RSPH14: variants seen among roughly 807,000 people sequenced by gnomAD.
RSPH14 encodes the protein radial spoke head 14 homolog.
Under a neutral mutation model 26.7 loss-of-function variants are expected in RSPH14, and 20 were observed. That is an observed-to-expected ratio of 0.75 (90% confidence interval 0.53 to 1.09). The LOEUF (loss-of-function observed/expected upper bound fraction) is 1.09, where lower values mean the gene tolerates loss of function less well. Among genes scored for constraint, RSPH14 ranks in the 50% least tolerant of loss-of-function variants. The probability of loss-of-function intolerance (pLI) is 0.00; values close to 1 mark genes in which losing one functional copy is unlikely to be tolerated. For synonymous variants in RSPH14, 177 were observed against 189.3 expected (o/e 0.93, Z 0.53); for missense variants, 449 against 457.2 (o/e 0.98, Z 0.16).
chr22:23,155,986 G>C, the RSPH14 span: 1 of 1,612,612 alleles, frequency 6.2e-7, no homozygotes, highest in East Asian at 2.2e-5. Context: ...CAGCTGGGCA[G>C]GAGAAGTTCA....
chr22:23,155,125 CA>C, the RSPH14 span, among the ~76,000 whole-genome samples: 6 of 150,206 alleles, frequency 4.0e-5, no homozygotes, highest in Admixed American at 1.3e-4. Context: ...AACTCCACCT[CA>C]AAAAAAAAGA....
At chr22:23,088,263 G>A (rs999601359) in intron 4 of RSPH14, among the ~76,000 whole-genome samples, 9 of 152,204 alleles carry the variant, frequency 5.9e-5, no homozygotes, top group African/African-American at 1.4e-4. Context: ...ACCCCAGTGC[G>A]TTTCCTCCTG....
In RSPH14 at chr22:23,071,080, G is replaced by A. The variant is rs996814709; in HGVS notation, c.422-6947C>T. Among the ~76,000 whole-genome samples the A allele has an allele frequency of 1.3e-5, 2 of 152,264 alleles. No individual in the cohort carries two copies. The highest frequency in any genetic ancestry group is 2.9e-5 in the Non-Finnish European group (2 of 68,038). On this transcript the variant is annotated intron_variant, in intron 4 of 6. Coordinates refer to ENST00000216036, the MANE Select transcript of RSPH14 (RefSeq NM_014433.3). The surrounding 1 kb of genome is among the most constrained non-coding windows in gnomAD (Gnocchi z 4.1). ...GAGGACCTGGGCCCGCAGACGGACA[G>A]CTAGCAGTTCTCGGTCACTGCTCTT...
intron 6 of RSPH14, 116 bp downstream of exon 6, chr22:23,061,693 T>TC: frequency 4.4e-6 from 6 of 1,354,308 alleles, no homozygotes; most frequent in Non-Finnish European, 5.9e-6. Flanking sequence ...AGGTTTTTTT[T>TC]TTTTTTGCAA....
chr22:23,158,647 G>A, the RSPH14 span, among the ~76,000 whole-genome samples: 5 of 152,354 alleles, frequency 3.3e-5, no homozygotes, highest in African/African-American at 7.2e-5. Flanking sequence ...CACCGGGAGA[G>A]GCCAGAGGTG....
the RSPH14 span, chr22:23,160,751 A>G: frequency 7.7e-7 from 1 of 1,297,332 alleles, no homozygotes; most frequent in Non-Finnish European, 1.1e-6. Context: ...GGTCATTGTT[A>G]CTGTCAGGGT....
At chr22:23,130,155 GA>G (rs1054478314) in intron 4 of RSPH14, among the ~76,000 whole-genome samples, 2 of 121,512 alleles carry the variant, frequency 1.6e-5, no homozygotes, top group Admixed American at 8.5e-5. Flanking sequence ...AAGAAAGAAA[GA>G]AAGAAAAAGA....
chr22:23,125,899 G>A (rs1255648466), intron 4 of RSPH14, among the ~76,000 whole-genome samples: 3 of 151,928 alleles, frequency 2.0e-5, no homozygotes, highest in Admixed American at 6.5e-5. Flanking sequence ...AAAGTGGGGG[G>A]TCGGCAGGCA....
At chr22:23,179,762 G>T in the RSPH14 span, 29 of 190,202 alleles carry the variant, frequency 1.5e-4, no homozygotes, top group African/African-American at 6.6e-4. Context: ...CTGAAACAAG[G>T]GTGCTGGCAT....
upstream of RSPH14, chr22:23,145,115 A>T: frequency 1.8e-6 from 1 of 565,272 alleles, no homozygotes; most frequent in Non-Finnish European, 3.2e-6. Context: ...AAACATCAAT[A>T]CCACATCAGG....
intron 4 of RSPH14, among the ~76,000 whole-genome samples, chr22:23,126,007 C>G (rs2070174514): frequency 6.6e-6 from 1 of 152,246 alleles, no homozygotes; most frequent in Admixed American, 6.5e-5. Context: ...TAAGCCCACG[C>G]AGGGACTCCC....
chr22:23,059,416 A>G lies in RSPH14; in HGVS notation c.*46T>C, dbSNP rs757844821. ...AGAAAGTGCCATTCGGACCCGAGATAAAGAGACTTAGCACATTTATTCACT... is the reference window on the plus strand; with the variant it reads ...AGAAAGTGCCATTCGGACCCGAGATGAAGAGACTTAGCACATTTATTCACT... On this transcript the variant is annotated 3_prime_UTR_variant, in exon 7 of 7. Transcript: ENST00000216036. 6.6e-7 allele frequency: 1 copy of G among 1,524,384 alleles called. No individual in the cohort carries two copies. The highest frequency in any genetic ancestry group is 2.1e-5 in the Admixed American group (1 of 48,338). 94.4% of individuals were successfully genotyped at this position (1,524,384 alleles called of 1,614,324 possible).
At chr22:23,123,048 C>T (rs1208207491) in intron 4 of RSPH14, 1 of 1,372,350 alleles carries the variant, frequency 7.3e-7, no homozygotes, top group South Asian at 1.2e-5. Context: ...TCTCTGCCTG[C>T]TGCGGGCCTG....
At chr22:23,152,377 G>A in the RSPH14 span, 37 of 1,408,090 alleles carry the variant, frequency 2.6e-5, no homozygotes, top group Admixed American at 1.0e-4. Context: ...CACCAGCAGA[G>A]AGCTCAGGGA....
chr22:23,063,915 G>T lies in RSPH14; in HGVS notation c.640C>A (p.Leu214Ile), dbSNP rs558599056. Residue 214 changes from leucine to isoleucine, a missense_variant, in exon 5 of 7, where the codon CTC becomes ATC. Physicochemically the swap from Leu to Ile is conservative, Grantham distance 5 (BLOSUM62 2). Transcript: ENST00000216036. ...QNIRSKAARA[L>I]LNVSISREGK... ...GCCAGGCCTCACCTGACATTAAGGA[G>T]CGCACGGGCGGCCTTGCTGCGGATG... 3 of 1,614,162 alleles carry T rather than the reference G, an allele frequency of 1.9e-6. No individual in the cohort carries two copies. Among genetic ancestry groups the T allele is most frequent in the African/African-American group, 2.7e-5 (2 of 75,044 alleles).
chr22:23,145,183 G>A, upstream of RSPH14: 1 of 615,806 alleles, frequency 1.6e-6, no homozygotes, highest in East Asian at 2.8e-5. Flanking sequence ...CAGAACCTGC[G>A]CGAATCTCTC....
chr22:23,097,432 G>C (rs2069158395), intron 4 of RSPH14, among the ~76,000 whole-genome samples: 1 of 152,240 alleles, frequency 6.6e-6, no homozygotes, highest in African/African-American at 2.4e-5. Context: ...CTAGGAGCCT[G>C]AGTGTTCTGA....
chr22:23,155,699 T>A, the RSPH14 span, among the ~76,000 whole-genome samples: 1 of 152,226 alleles, frequency 6.6e-6, no homozygotes, highest in African/African-American at 2.4e-5. Flanking sequence ...GGGAGTGAGC[T>A]GCAACTCCAT....
chr22:23,108,349 G>A (rs560228958), intron 4 of RSPH14, among the ~76,000 whole-genome samples: 1 of 152,372 alleles, frequency 6.6e-6, no homozygotes, highest in Non-Finnish European at 1.5e-5. Context: ...AAATTAAAAG[G>A]GTTGGGGTTG....
Sources: gnomAD v4.1 joint callset for allele counts (sites outside exome capture counted in the v4.1 genomes callset) on GRCh38, gnomAD v4.1.1 for gene constraint, Gnocchi (gnomAD v3.1) non-coding constraint, MANE v1.5 for transcripts, NCBI Gene and HGNC (gene_info 2026-07-23, HGNC 2026-07-21) for gene names.